SPAG16: variants seen among roughly 807,000 people sequenced by gnomAD.
SPAG16 encodes sperm associated antigen 16.
SPAG16 carries 86 observed loss-of-function variants against 80.4 expected under a neutral mutation model. The ratio of observed to expected loss-of-function variants is 1.07; its 90% CI spans 0.90 to 1.28. The LOEUF (loss-of-function observed/expected upper bound fraction) is 1.28, where lower values mean the gene tolerates loss of function less well. SPAG16 is among the 50% of genes most tolerant of loss of function. The pLI, the probability that SPAG16 is intolerant of heterozygous loss-of-function variation, is 0.00. For missense variants in SPAG16, 870 were observed against 765.3 expected (o/e 1.14, Z -1.61); for synonymous variants, 294 against 265.9 (o/e 1.11, Z -1.03).
At chr2:213,670,203 A>G (rs1006888356) in intron 10 of SPAG16, among the ~76,000 whole-genome samples, 1 of 151,846 alleles carries the variant, frequency 6.6e-6, no homozygotes. Flanking sequence ...TCACCATGTT[A>G]GCCAGGATGG....
chr2:214,370,598 G>A (rs1699752694), intron 15 of SPAG16, among the ~76,000 whole-genome samples: 1 of 152,052 alleles, frequency 6.6e-6, no homozygotes, highest in South Asian at 2.1e-4. Flanking sequence ...AACATTTAAG[G>A]TCTACTCTCT....
At chr2:214,338,797 T>G (rs886523324) in intron 15 of SPAG16, among the ~76,000 whole-genome samples, 3 of 152,210 alleles carry the variant, frequency 2.0e-5, no homozygotes, top group Admixed American at 2.0e-4. Flanking sequence ...TATTTATGAT[T>G]CTCCAGTGCC....
At chr2:213,660,466 A>G (rs1193417196) in intron 10 of SPAG16, among the ~76,000 whole-genome samples, 1 of 152,124 alleles carries the variant, frequency 6.6e-6, no homozygotes, top group African/African-American at 2.4e-5. Flanking sequence ...TTGGGAAAAA[A>G]GCTGAGTCAG....
intron 15 of SPAG16, among the ~76,000 whole-genome samples, chr2:214,252,723 C>A (rs560941603): frequency 6.6e-6 from 1 of 152,172 alleles, no homozygotes; most frequent in Admixed American, 6.5e-5. Flanking sequence ...GGTTCCAAGT[C>A]TTTGCTATTG....
chr2:214,174,054 A>T (rs991009846), intron 15 of SPAG16, among the ~76,000 whole-genome samples: 6 of 151,872 alleles, frequency 4.0e-5, no homozygotes, highest in African/African-American at 1.4e-4. Context: ...CTCAATAAAT[A>T]CGGTATTGAT....
intron 15 of SPAG16, among the ~76,000 whole-genome samples, chr2:214,166,471 A>G (rs2056660590): frequency 1.3e-5 from 2 of 152,136 alleles, no homozygotes; most frequent in African/African-American, 2.4e-5. Flanking sequence ...TACAGCTCCC[A>G]TCAGGCCGAC....
intron 11 of SPAG16, among the ~76,000 whole-genome samples, chr2:213,911,884 A>T (rs1410849124): frequency 6.6e-6 from 1 of 151,914 alleles, no homozygotes; most frequent in Non-Finnish European, 1.5e-5. Flanking sequence ...GTATGATAAG[A>T]AGTTTTAAAA....
intron 12 of SPAG16, among the ~76,000 whole-genome samples, chr2:213,980,712 G>GTGTGTATATATATATA (rs1469351640): frequency 7.0e-5 from 8 of 114,004 alleles, no homozygotes; most frequent in African/African-American, 3.1e-4. Flanking sequence ...GTGTGTGTGT[G>GTGTGTATATATATATA]TATATATATA....
At chr2:213,665,372 A>G (rs1022959386) in intron 10 of SPAG16, among the ~76,000 whole-genome samples, 1 of 151,738 alleles carries the variant, frequency 6.6e-6, no homozygotes, top group African/African-American at 2.4e-5. Context: ...TGCTGGATAA[A>G]CACACACACA....
chr2:213,892,337 A>AATC (rs2076814710), intron 11 of SPAG16, among the ~76,000 whole-genome samples: 1 of 152,156 alleles, frequency 6.6e-6, no homozygotes, highest in African/African-American at 2.4e-5. Context: ...ATCCAATAAA[A>AATC]ATCAAAACAA....
At chr2:213,873,224 T>A (rs932649012) in intron 11 of SPAG16, among the ~76,000 whole-genome samples, 3 of 152,042 alleles carry the variant, frequency 2.0e-5, no homozygotes. Flanking sequence ...GATTACTGAT[T>A]CAAGTACAAG....
At chr2:214,038,699 T>TCCCCCC (rs2048843411) in intron 13 of SPAG16, among the ~76,000 whole-genome samples, 1 of 73,396 alleles carries the variant, frequency 1.4e-5, no homozygotes, top group Non-Finnish European at 2.7e-5. Context: ...CCCCTCCCCC[T>TCCCCCC]ACCCCACAAC....
chr2:213,958,403 T>C (rs577649782), intron 12 of SPAG16, among the ~76,000 whole-genome samples: 1 of 152,192 alleles, frequency 6.6e-6, no homozygotes, highest in East Asian at 1.9e-4. Flanking sequence ...TCAACCACCT[T>C]GAGGACTTGG....
intron 13 of SPAG16, among the ~76,000 whole-genome samples, chr2:214,066,462 A>C (rs2050532850): frequency 6.6e-6 from 1 of 152,162 alleles, no homozygotes; most frequent in Non-Finnish European, 1.5e-5. Flanking sequence ...AAGCATTTCC[A>C]TAAAACTTTA....
At chr2:213,953,411 A>C (rs2043956403) in intron 12 of SPAG16, among the ~76,000 whole-genome samples, 1 of 151,900 alleles carries the variant, frequency 6.6e-6, no homozygotes. Context: ...AAGAAAAAGT[A>C]TATAAAAAAG....
In SPAG16 at chr2:214,309,272, TG is replaced by T. The variant is rs1322830763; in HGVS notation, c.1721-100867del. 2.6e-5 allele frequency among the ~76,000 whole-genome samples: 4 copies of T among 152,318 alleles called. No homozygotes were observed. In the East Asian group the frequency reaches 7.7e-4, roughly 29 times the overall value. On this transcript the variant is annotated intron_variant, in intron 15 of 15. Coordinates refer to ENST00000331683, the MANE Select transcript of SPAG16 (RefSeq NM_024532.5). Reference sequence around the variant, plus strand: ...TCTTCTCTATACTGGTCATTTTGTCTGTCATCTCCCATAATGTTTTATCATT... The same window carrying T: ...TCTTCTCTATACTGGTCATTTTGTCTTCATCTCCCATAATGTTTTATCATT...
chr2:213,426,836 TAC>T lies in SPAG16; in HGVS notation c.942+51763_942+51764del, dbSNP rs199604984. On this transcript the variant is annotated intron_variant, in intron 9 of 15. Coordinates refer to ENST00000331683, the MANE Select transcript of SPAG16 (RefSeq NM_024532.5). ...TTTTTCAAAAGATTATTCTGATACA[TAC>T]ACACACACACACACACACACACACA... 6.9e-3 allele frequency among the ~76,000 whole-genome samples: 867 copies of T among 125,854 alleles called. 7 individuals carry two copies. The highest frequency in any genetic ancestry group is 0.016 in the African/African-American group (557 of 34,116). 82.6% of individuals were successfully genotyped at this position (125,854 alleles called of 152,430 possible). A position where few individuals can be genotyped will look rare whatever the true frequency, so the allele number is the denominator to read the frequency against.
At chr2:214,252,178 G>A (rs1281589750) in intron 15 of SPAG16, among the ~76,000 whole-genome samples, 1 of 152,052 alleles carries the variant, frequency 6.6e-6, no homozygotes, top group Non-Finnish European at 1.5e-5. Context: ...CCCAGGGGCA[G>A]TATGGAATGA....
Position 213,424,401 on chromosome 2 carries a change from C to T in SPAG16, c.942+49282C>T, listed in dbSNP as rs115516463. Among the ~76,000 whole-genome samples, 1,334 of 152,056 alleles carry T rather than the reference C, an allele frequency of 8.8e-3. 24 individuals are homozygous for T. The highest frequency in any genetic ancestry group is 0.03 in the African/African-American group (1,245 of 41,496). ...TTTAATCACATTTATTTTTTAAACC[C>T]GACTTTATGAACTAATATGAAAAGA... On this transcript the variant is annotated intron_variant, in intron 9 of 15. Coordinates refer to ENST00000331683, the MANE Select transcript of SPAG16 (RefSeq NM_024532.5).
Sources: gnomAD v4.1 joint callset for allele counts (sites outside exome capture counted in the v4.1 genomes callset) on GRCh38, gnomAD v4.1.1 for gene constraint, MANE v1.5 for transcripts, NCBI Gene and HGNC (gene_info 2026-07-23, HGNC 2026-07-21) for gene names.